CDH13: variants seen among roughly 807,000 people sequenced by gnomAD.
CDH13 encodes cadherin 13, also known as cadherin-13.
In CDH13, 24 loss-of-function variants were observed where a neutral mutation model predicts 63.8. The observed-to-expected ratio is 0.38, with a 90% CI of 0.27 to 0.53. CDH13 has a LOEUF of 0.53. Among genes scored for constraint, CDH13 ranks in the 20% least tolerant of loss-of-function variants. The pLI is 0.85. For synonymous variants in CDH13, 503 were observed against 355.3 expected (o/e 1.42, Z -4.67); for missense variants, 1,049 against 903.1 (o/e 1.16, Z -2.07).
At chr16:83,031,315 AGG>A in intron 2 of CDH13, among the ~76,000 whole-genome samples, 3 of 107,404 alleles carry the variant, frequency 2.8e-5, no homozygotes, top group South Asian at 3.0e-4. Context: ...GCGCATGCAT[AGG>A]CATGTATATA....
intron 8 of CDH13, among the ~76,000 whole-genome samples, chr16:83,663,264 C>A (rs1210227342): frequency 1.3e-5 from 2 of 152,174 alleles, no homozygotes; most frequent in Non-Finnish European, 2.9e-5. Context: ...CCACTGTTTT[C>A]AGCAGGGACT....
intron 6 of CDH13, among the ~76,000 whole-genome samples, chr16:83,476,989 A>T (rs1351351408): frequency 6.6e-6 from 1 of 152,190 alleles, no homozygotes; most frequent in Non-Finnish European, 1.5e-5. Flanking sequence ...TTACTGTCGA[A>T]GTCTGGATAA....
intron 7 of CDH13, among the ~76,000 whole-genome samples, chr16:83,529,359 C>G (rs1336389395): frequency 6.6e-6 from 1 of 151,916 alleles, no homozygotes; most frequent in Non-Finnish European, 1.5e-5. Flanking sequence ...ATAATAAAAC[C>G]TTAATATTTG....
chr16:83,751,555 G>C (rs1913088353), intron 11 of CDH13, among the ~76,000 whole-genome samples: 1 of 152,194 alleles, frequency 6.6e-6, no homozygotes, highest in African/African-American at 2.4e-5. Context: ...CAGAAATACA[G>C]GTAAGAGAAA....
At chr16:82,913,932 T>C (rs747379590) in intron 2 of CDH13, among the ~76,000 whole-genome samples, 13 of 152,086 alleles carry the variant, frequency 8.5e-5, no homozygotes, top group East Asian at 1.9e-4. Context: ...AGGGTTATTT[T>C]ACTGAGAGGC....
At chr16:83,558,825 C>G (rs1449912311) in intron 7 of CDH13, among the ~76,000 whole-genome samples, 2 of 152,062 alleles carry the variant, frequency 1.3e-5, no homozygotes, top group Non-Finnish European at 1.5e-5. Context: ...AATAATTTAC[C>G]CACGTGGGTA....
chr16:83,241,489 C>T (rs1904443775), intron 5 of CDH13, among the ~76,000 whole-genome samples: 1 of 152,150 alleles, frequency 6.6e-6, no homozygotes, highest in Non-Finnish European at 1.5e-5. Context: ...CTTTTCAATA[C>T]TTACTCTTTC....
intron 2 of CDH13, among the ~76,000 whole-genome samples, chr16:82,933,390 C>T (rs1283849726): frequency 1.3e-5 from 2 of 152,088 alleles, no homozygotes; most frequent in African/African-American, 2.4e-5. Flanking sequence ...GGAGACTGCC[C>T]TCATGATCCA....
At chr16:83,126,452 C>T (rs542596009) in intron 4 of CDH13, among the ~76,000 whole-genome samples, 7 of 152,134 alleles carry the variant, frequency 4.6e-5, no homozygotes, top group South Asian at 2.1e-4. Flanking sequence ...TGTCAGGGCA[C>T]GGCAAAGGCG....
intron 2 of CDH13, among the ~76,000 whole-genome samples, chr16:82,910,986 G>A (rs1297763503): frequency 2.0e-5 from 3 of 152,114 alleles, no homozygotes; most frequent in African/African-American, 2.4e-5. Context: ...CCTAGAAGTA[G>A]GGTAATGATG....
chr16:83,233,291 C>G (rs767584460), intron 5 of CDH13, among the ~76,000 whole-genome samples: 16 of 152,340 alleles, frequency 1.1e-4, no homozygotes, highest in East Asian at 3.9e-4. Flanking sequence ...CCCTTACCCT[C>G]TCACCCAGTG....
intron 2 of CDH13, among the ~76,000 whole-genome samples, chr16:82,944,832 T>C (rs1448581018): frequency 6.6e-6 from 1 of 152,174 alleles, no homozygotes; most frequent in Non-Finnish European, 1.5e-5. Flanking sequence ...TCTATCTATT[T>C]ACAACTTCTC....
chr16:82,836,885 G>A (rs948652000), intron 1 of CDH13, among the ~76,000 whole-genome samples: 4 of 152,030 alleles, frequency 2.6e-5, no homozygotes, highest in East Asian at 1.9e-4. Flanking sequence ...TTATTCAGTC[G>A]GTGAATATGC....
At chr16:83,558,774 G>C (rs547963500) in intron 7 of CDH13, among the ~76,000 whole-genome samples, 1 of 152,098 alleles carries the variant, frequency 6.6e-6, no homozygotes. Flanking sequence ...GAATTAATGA[G>C]AGCAACAGAG....
chr16:83,094,665 A>G (rs2034105639), intron 3 of CDH13, among the ~76,000 whole-genome samples: 1 of 152,192 alleles, frequency 6.6e-6, no homozygotes, highest in Non-Finnish European at 1.5e-5. Context: ...TCAGTTCCAA[A>G]TAAAGGGATC....
intron 1 of CDH13, among the ~76,000 whole-genome samples, chr16:82,627,768 C>G (rs969686066): frequency 6.6e-6 from 1 of 152,196 alleles, no homozygotes; most frequent in Non-Finnish European, 1.5e-5. Context: ...GGTCCTTTTG[C>G]TCCCAGACCC....
intron 4 of CDH13, among the ~76,000 whole-genome samples, chr16:83,146,292 G>C (rs185667950): frequency 3.3e-5 from 5 of 152,180 alleles, no homozygotes; most frequent in Non-Finnish European, 7.3e-5. Context: ...AGCAACTGCA[G>C]AGGCCCTGGT....
intron 8 of CDH13, among the ~76,000 whole-genome samples, chr16:83,621,076 G>A (rs908978221): frequency 6.6e-6 from 1 of 152,114 alleles, no homozygotes; most frequent in South Asian, 2.1e-4. Context: ...TACCATGATC[G>A]TAATACCCCT....
intron 1 of CDH13, among the ~76,000 whole-genome samples, chr16:82,761,961 A>G (rs12103018): frequency 0.053 from 8,052 of 152,280 alleles, 703 homozygotes; most frequent in African/African-American, 0.18. Context: ...TGAGATATGC[A>G]TTAAAGGCAC....
Sources: gnomAD v4.1 joint callset for allele counts (sites outside exome capture counted in the v4.1 genomes callset) on GRCh38, gnomAD v4.1.1 for gene constraint, MANE v1.5 for transcripts, NCBI Gene and HGNC (gene_info 2026-07-23, HGNC 2026-07-21) for gene names.